The following CRY2 variants were observed in gnomAD, a reference collection of about 807,000 sequenced individuals.
CRY2 encodes the protein cryptochrome-2.
A neutral mutation model predicts 69.5 loss-of-function variants in CRY2; 31 were observed. The observed-to-expected ratio is 0.45, with a 90% confidence interval of 0.34 to 0.60. The LOEUF (loss-of-function observed/expected upper bound fraction) is 0.60, where lower values mean the gene tolerates loss of function less well. Ranked by LOEUF, CRY2 falls within the 20% of genes least tolerant of loss-of-function variation. The pLI is 0.02. For missense variants in CRY2, 606 were observed against 797.8 expected (o/e 0.76, Z 2.90); for synonymous variants, 303 against 312.2 (o/e 0.97, Z 0.31).
chr11:45,857,180 G>A (rs1484047448), intron 2 of CRY2, among the ~76,000 whole-genome samples: 1 of 152,182 alleles, frequency 6.6e-6, no homozygotes, highest in African/African-American at 2.4e-5. Context: ...CACAGTGCTA[G>A]TAATTGCCCA....
At chr11:45,863,443 C>G (rs774662244) in intron 5 of CRY2, among the ~76,000 whole-genome samples, 3 of 151,898 alleles carry the variant, frequency 2.0e-5, no homozygotes, top group Non-Finnish European at 4.4e-5. Flanking sequence ...AGGGCCCTTA[C>G]GCCATGGACA....
chr11:45,865,314 T>C (rs1012359803), intron 5 of CRY2, among the ~76,000 whole-genome samples: 2 of 152,212 alleles, frequency 1.3e-5, no homozygotes, highest in South Asian at 2.1e-4. Context: ...ACATAGACTC[T>C]TGGGGTGGCT....
chr11:45,858,728 C>T lies in CRY2; in HGVS notation c.325-3C>T. 1.9e-6 allele frequency: 3 copies of T among 1,612,428 alleles called. No homozygotes were observed. Among genetic ancestry groups the T allele is most frequent in the South Asian group, 1.1e-5 (1 of 90,836 alleles). ...TTGAGCATAACAGATCCTCTCCCCA[C>T]AGGAATGGGGAGTGACCCGCTTGAC... is the stretch of plus-strand genomic sequence containing the variant. On this transcript the variant is annotated splice_region_variant and splice_polypyrimidine_tract_variant and intron_variant, in intron 2 of 11. Transcript: ENST00000616080.
At chr11:45,849,747 A>G (rs1429772903) in intron 1 of CRY2, among the ~76,000 whole-genome samples, 2 of 151,906 alleles carry the variant, frequency 1.3e-5, no homozygotes, top group Non-Finnish European at 2.9e-5. Context: ...CAGTCTCCCA[A>G]GTAGCCAGGA....
At chr11:45,860,402 A>C (rs896016747) in intron 3 of CRY2, among the ~76,000 whole-genome samples, 9 of 151,858 alleles carry the variant, frequency 5.9e-5, no homozygotes, top group South Asian at 2.1e-4. Context: ...AAAAAAAAAA[A>C]AAAACATGTC....
At chr11:45,864,595 A>G (rs2086314438) in intron 5 of CRY2, among the ~76,000 whole-genome samples, 1 of 150,848 alleles carries the variant, frequency 6.6e-6, no homozygotes. Flanking sequence ...GTGGGGTCTC[A>G]GAAATAAAAG....
chr11:45,880,536 T>A (rs1427249506), intron 11 of CRY2, among the ~76,000 whole-genome samples: 1 of 152,180 alleles, frequency 6.6e-6, no homozygotes, highest in African/African-American at 2.4e-5. Flanking sequence ...TTTTTCCTGA[T>A]TCTCCATCTC....
At chr11:45,868,726 C>G (rs1315097562) in intron 6 of CRY2, among the ~76,000 whole-genome samples, 1 of 152,208 alleles carries the variant, frequency 6.6e-6, no homozygotes, top group African/African-American at 2.4e-5. Context: ...CACAACCTTT[C>G]AGGCTCAGGT....
chr11:45,858,503 A>C, intron 2 of CRY2: 1 of 513,150 alleles, frequency 1.9e-6, no homozygotes, highest in Admixed American at 3.7e-5. Context: ...CTCTCTCCCA[A>C]CTCCACTGTT....
intron 1 of CRY2, among the ~76,000 whole-genome samples, chr11:45,855,640 A>C (rs2086233427): frequency 6.6e-6 from 1 of 152,268 alleles, no homozygotes; most frequent in South Asian, 2.1e-4. Flanking sequence ...TGCCAGGCAC[A>C]GTGCTAAATG....
rs1367681573 is a variant in CRY2 at position 45,858,734 on chromosome 11, T to G, written c.328T>G (p.Trp110Gly). Residue 110 changes from tryptophan to glycine, a missense_variant, in exon 3 of 12, where the codon TGG (tryptophan) becomes GGG (glycine). Physicochemically the swap from Trp to Gly is radical, Grantham distance 184 (BLOSUM62 -2). Around this residue, in one of 5 missense-constraint regions of CRY2, gnomAD observed 382 missense variants for 508.9 expected, o/e 0.75. Coordinates refer to ENST00000616080, the MANE Select transcript of CRY2 (RefSeq NM_021117.5). ...ADVFPRLFKE[W>G]GVTRLTFEYD... ...ATAACAGATCCTCTCCCCACAGGAA[T>G]GGGGAGTGACCCGCTTGACCTTTGA... The G allele has an allele frequency of 6.2e-7, 1 of 1,613,368 alleles. No homozygotes were observed. The highest frequency in any genetic ancestry group is 8.5e-7 in the Non-Finnish European group (1 of 1,179,624).
intron 3 of CRY2, 145 bp from the exon 4 acceptor site, chr11:45,860,703 C>T (rs1000481537): frequency 3.4e-5 from 29 of 841,066 alleles, no homozygotes; most frequent in Non-Finnish European, 5.4e-5. Context: ...CCCTTGCCCC[C>T]TCCTTTCCAC....
Position 45,856,023 on chromosome 11 carries a change from G to A in CRY2, c.257G>A (p.Arg86Lys), listed in dbSNP as rs1330668565. ...QSLEDLDTSL[R>K]KLNSRLFVVR... is the part of the protein sequence containing the mutation. Reference sequence around the variant, plus strand: ...CTGGAAGATTTGGACACAAGTTTAAGGAAACTGAACTCCCGCCTGTTTGTA... The same window carrying A: ...CTGGAAGATTTGGACACAAGTTTAAAGAAACTGAACTCCCGCCTGTTTGTA... Residue 86 changes from arginine (R) to lysine (K), a missense_variant, in exon 2 of 12, where the codon AGG becomes AAG. Arg to Lys is a conservative substitution (Grantham distance 26). This residue lies in a region of CRY2 where 382 missense variants were observed against 508.9 expected (regional missense o/e 0.75). Transcript: ENST00000616080. 1.9e-6 allele frequency: 3 copies of A among 1,614,200 alleles called. No homozygotes were observed. In the Admixed American group the frequency reaches 5.0e-5, roughly 27 times the overall value.
intron 6 of CRY2, 36 bp downstream of exon 6, chr11:45,867,788 G>T (rs372248117): frequency 6.2e-7 from 1 of 1,613,256 alleles, no homozygotes; most frequent in Middle Eastern, 1.7e-4. Flanking sequence ...TGCACCTAAG[G>T]CCTGCAGCCA....
chr11:45,876,422 T>C (rs2086425142), intron 11 of CRY2, among the ~76,000 whole-genome samples: 1 of 152,224 alleles, frequency 6.6e-6, no homozygotes, highest in Non-Finnish European at 1.5e-5. Context: ...TTCACTAAAC[T>C]GAAAAACAAG....
chr11:45,847,236 C>G, upstream of CRY2: 1 of 1,551,126 alleles, frequency 6.4e-7, no homozygotes, highest in East Asian at 2.4e-5. Flanking sequence ...CCCCAGCCTG[C>G]GTCACTTGTC....
intron 5 of CRY2, among the ~76,000 whole-genome samples, chr11:45,863,482 A>G (rs1192209499): frequency 6.6e-6 from 1 of 151,882 alleles, no homozygotes; most frequent in East Asian, 1.9e-4. Flanking sequence ...CCCAGAGGAA[A>G]TACTGTGTCC....
intron 5 of CRY2, 41 bp downstream of exon 5, chr11:45,862,189 A>G: frequency 6.3e-7 from 1 of 1,575,448 alleles, no homozygotes; most frequent in Admixed American, 1.8e-5. Flanking sequence ...AGATACTGAT[A>G]TCCACACAGC....
chr11:45,879,066 C>A (rs943833416), intron 11 of CRY2, among the ~76,000 whole-genome samples: 1 of 151,084 alleles, frequency 6.6e-6, no homozygotes, highest in Non-Finnish European at 1.5e-5. Flanking sequence ...CCCATCTCTA[C>A]TAAAAATACA....
Sources: gnomAD v4.1 joint callset for allele counts (sites outside exome capture counted in the v4.1 genomes callset) on GRCh38, gnomAD v4.1.1 for gene constraint, gnomAD v4.1.1 regional missense constraint, MANE v1.5 for transcripts, NCBI Gene and HGNC (gene_info 2026-07-23, HGNC 2026-07-21) for gene names.